CCDC91: variants seen among roughly 807,000 people sequenced by gnomAD.
The protein encoded by CCDC91 is coiled-coil domain-containing protein 91.
CCDC91 carries 48 observed loss-of-function variants against 63.2 expected under a neutral mutation model. That is an observed-to-expected ratio of 0.76 (90% CI 0.60 to 0.97). The LOEUF (loss-of-function observed/expected upper bound fraction) is 0.97. Among genes scored for constraint, CCDC91 ranks in the 50% least tolerant of loss-of-function variants. The pLI, the probability that CCDC91 is intolerant of heterozygous loss-of-function variation, is 0.00. For missense variants in CCDC91, 500 were observed against 494.6 expected (o/e 1.01, Z -0.10); for synonymous variants, 167 against 165.8 (o/e 1.01, Z -0.06).
chr12:28,471,253 G>A (rs979640846), intron 11 of CCDC91, among the ~76,000 whole-genome samples: 8 of 152,204 alleles, frequency 5.3e-5, no homozygotes, highest in African/African-American at 1.7e-4. Flanking sequence ...ATATAATTAG[G>A]CTTCTCAATA....
chr12:28,375,578 C>T (rs1944895631), intron 7 of CCDC91, among the ~76,000 whole-genome samples: 1 of 151,872 alleles, frequency 6.6e-6, no homozygotes, highest in Non-Finnish European at 1.5e-5. Context: ...CCTAATGTGC[C>T]TCATATGCCA....
intron 11 of CCDC91, among the ~76,000 whole-genome samples, chr12:28,482,803 A>G (rs77748726): frequency 0.044 from 6,627 of 152,064 alleles, 197 homozygotes; most frequent in Non-Finnish European, 0.064. Flanking sequence ...AATATCTGCA[A>G]TGTAGCACAA....
chr12:28,352,246 AG>A (rs1353924699), intron 6 of CCDC91, among the ~76,000 whole-genome samples: 1 of 152,186 alleles, frequency 6.6e-6, no homozygotes, highest in Non-Finnish European at 1.5e-5. Flanking sequence ...GCTGTTGATA[AG>A]GGTGGTGGTT....
At chr12:28,428,009 A>G (rs1004259269) in intron 8 of CCDC91, among the ~76,000 whole-genome samples, 33 of 152,146 alleles carry the variant, frequency 2.2e-4, no homozygotes, top group African/African-American at 7.7e-4. Flanking sequence ...AGGGACTTTG[A>G]AAATTATTGG....
At chr12:28,326,400 T>TA (rs1555184914) in intron 6 of CCDC91, among the ~76,000 whole-genome samples, 36 of 151,532 alleles carry the variant, frequency 2.4e-4, no homozygotes, top group African/African-American at 5.3e-4. Flanking sequence ...TGTTTTTTTT[T>TA]AAATTTATTA....
intron 7 of CCDC91, among the ~76,000 whole-genome samples, chr12:28,377,689 G>A (rs761753023): frequency 2.0e-5 from 3 of 151,550 alleles, no homozygotes; most frequent in Non-Finnish European, 3.0e-5. Flanking sequence ...TATTTTGTTT[G>A]CATGCATTTG....
intron 11 of CCDC91, among the ~76,000 whole-genome samples, chr12:28,474,151 A>T (rs1166013568): frequency 3.3e-5 from 5 of 152,146 alleles, no homozygotes; most frequent in Admixed American, 2.0e-4. Context: ...TTGCATAATA[A>T]ACACTTTTTT....
chr12:28,420,510 A>G (rs1349982046), intron 8 of CCDC91, among the ~76,000 whole-genome samples: 2 of 152,168 alleles, frequency 1.3e-5, no homozygotes, highest in Admixed American at 1.3e-4. Context: ...ACTGAGTGCT[A>G]GCTGATTGAC....
chr12:28,193,893 G>A (rs1941499857), intron 1 of CCDC91, among the ~76,000 whole-genome samples: 1 of 152,120 alleles, frequency 6.6e-6, no homozygotes, highest in East Asian at 1.9e-4. Flanking sequence ...GTTTTTAATA[G>A]GGTTGTTTGT....
chr12:28,268,529 C>A, intron 3 of CCDC91: 1 of 316,298 alleles, frequency 3.2e-6, no homozygotes, highest in South Asian at 1.3e-4. Flanking sequence ...ATGTTAGATT[C>A]TATAACACCA....
chr12:28,538,894 ATAAATG>A (rs1325585557), intron 12 of CCDC91, among the ~76,000 whole-genome samples: 1 of 152,240 alleles, frequency 6.6e-6, no homozygotes. Flanking sequence ...TTTTGGCTGC[ATAAATG>A]TCTTCTTTTG....
At chr12:28,490,057 C>A (rs1951916356) in intron 12 of CCDC91, among the ~76,000 whole-genome samples, 1 of 151,706 alleles carries the variant, frequency 6.6e-6, no homozygotes, top group Non-Finnish European at 1.5e-5. Context: ...ATTTTTAATT[C>A]TTGATATAAA....
In CCDC91 at chr12:28,467,094, A is replaced by C. The variant is rs568967587; in HGVS notation, c.1101+14440A>C. Among the ~76,000 whole-genome samples the C allele has an allele frequency of 3.9e-5, 6 of 152,184 alleles. No homozygotes were observed. The South Asian group carries it at 1.2e-3, about 32-fold the overall frequency. ...ACTACAAAACAACCACACACAAAGA[A>C]AGGCCAGAGTATGCCCTTCTTATCA... On this transcript the variant is annotated intron_variant, in intron 11 of 12. Transcript: ENST00000536442.
chr12:28,391,334 G>C lies in CCDC91; in HGVS notation c.685G>C (p.Val229Leu). 1 of 1,612,898 alleles carries C rather than the reference G, an allele frequency of 6.2e-7. No individual in the cohort carries two copies. The highest frequency in any genetic ancestry group is 1.3e-5 in the African/African-American group (1 of 75,004). The change falls in exon 8 of 13, where the codon GTA becomes CTA. Residue 229 changes from valine to leucine, a missense_variant. Val to Leu is a conservative substitution (Grantham distance 32). Coordinates refer to ENST00000536442, the MANE Select transcript of CCDC91 (RefSeq NM_018318.5). The part of the protein sequence containing the change: ...ALLQSSVKQQ[V>L]EAIEKQYISA... ...ACTGCAGTCTTCAGTTAAGCAACAA[G>C]TAGAAGCTATTGAAAAACAGTACAT...
intron 1 of CCDC91, among the ~76,000 whole-genome samples, chr12:28,230,373 A>C (rs1944511220): frequency 6.6e-6 from 1 of 152,166 alleles, no homozygotes; most frequent in African/African-American, 2.4e-5. Context: ...CATGGTTTGA[A>C]TTATGTGCAG....
intron 12 of CCDC91, among the ~76,000 whole-genome samples, chr12:28,548,038 G>C (rs1289463107): frequency 1.3e-5 from 2 of 151,826 alleles, no homozygotes; most frequent in East Asian, 3.9e-4. Flanking sequence ...TTTACCCTAT[G>C]GGCAAATTTT....
chr12:28,301,397 G>A (rs1480745782), intron 3 of CCDC91, among the ~76,000 whole-genome samples: 2 of 151,246 alleles, frequency 1.3e-5, no homozygotes, highest in East Asian at 3.9e-4. Flanking sequence ...AACCAGTCTT[G>A]CATTCCTGGA....
intron 8 of CCDC91, among the ~76,000 whole-genome samples, chr12:28,426,114 C>G (rs1266549091): frequency 6.6e-6 from 1 of 152,156 alleles, no homozygotes; most frequent in Non-Finnish European, 1.5e-5. Context: ...TCTCTTCTCT[C>G]AACACTAAAT....
At chr12:28,353,382 A>G (rs544501192) in intron 6 of CCDC91, among the ~76,000 whole-genome samples, 15 of 152,078 alleles carry the variant, frequency 9.9e-5, no homozygotes, top group Non-Finnish European at 2.1e-4. Context: ...TCCTCCAAAA[A>G]CTTGTCCTTT....
Sources: gnomAD v4.1 joint callset for allele counts (sites outside exome capture counted in the v4.1 genomes callset) on GRCh38, gnomAD v4.1.1 for gene constraint, MANE v1.5 for transcripts, NCBI Gene and HGNC (gene_info 2026-07-23, HGNC 2026-07-21) for gene names.